Variants in PMS1 observed in about 807,000 individuals in gnomAD.
PMS1 encodes PMS1 protein homolog 1.
In PMS1, 79 loss-of-function variants were observed where a neutral mutation model predicts 93.1. The ratio of observed to expected loss-of-function variants is 0.85; its 90% confidence interval spans 0.71 to 1.02. The LOEUF (loss-of-function observed/expected upper bound fraction) is 1.02, where lower values mean the gene tolerates loss of function less well. PMS1 is among the 50% of genes least tolerant of loss of function. PMS1 has a pLI of 0.00. For synonymous variants in PMS1, 335 were observed against 363.4 expected (o/e 0.92, Z 0.89); for missense variants, 1,064 against 1,085.3 (o/e 0.98, Z 0.28).
In PMS1 at chr2:189,877,590, GTA is replaced by G. The variant is rs2057674470; in HGVS notation, c.*156_*157del. On this transcript the variant is annotated 3_prime_UTR_variant, in exon 13 of 13. Transcript: ENST00000441310. Reference sequence around the variant, plus strand: ...GTTTTTATATTGAAAAAAGTTCCACGTATTGTAGAAAACGTAAATAAACTAAT... The same window carrying G: ...GTTTTTATATTGAAAAAAGTTCCACGTTGTAGAAAACGTAAATAAACTAAT... 1.6e-6 allele frequency: 1 copy of G among 607,142 alleles called. No individual in the cohort carries two copies. Among genetic ancestry groups the G allele is most frequent in the African/African-American group, 1.8e-5 (1 of 54,098 alleles). 37.6% of individuals were successfully genotyped at this position (607,142 alleles called of 1,614,324 possible).
At chr2:189,826,002 T>G (rs1288114900) in intron 5 of PMS1, among the ~76,000 whole-genome samples, 2 of 152,164 alleles carry the variant, frequency 1.3e-5, no homozygotes, top group African/African-American at 2.4e-5. Context: ...GATTTGGCAG[T>G]GAGTGGTGGC....
intron 1 of PMS1, among the ~76,000 whole-genome samples, chr2:189,786,617 A>G (rs1210871242): frequency 1.3e-5 from 2 of 152,242 alleles, no homozygotes; most frequent in African/African-American, 2.4e-5. Context: ...GATCTTGAGC[A>G]AGTTACCATG....
At chr2:189,856,768 T>C (rs1232438368) in intron 9 of PMS1, among the ~76,000 whole-genome samples, 1 of 152,162 alleles carries the variant, frequency 6.6e-6, no homozygotes, top group African/African-American at 2.4e-5. Flanking sequence ...TCTTGCTGAC[T>C]GTTCCTTTGC....
chr2:189,875,795 A>G (rs2057509201), intron 12 of PMS1, among the ~76,000 whole-genome samples: 1 of 151,886 alleles, frequency 6.6e-6, no homozygotes, highest in South Asian at 2.1e-4. Context: ...TCTACCAAAA[A>G]TACAAAATTT....
chr2:189,822,448 G>A (rs1281133767), intron 5 of PMS1, among the ~76,000 whole-genome samples: 1 of 149,038 alleles, frequency 6.7e-6, no homozygotes, highest in African/African-American at 2.4e-5. Flanking sequence ...TTAAATAGAG[G>A]GTTTTTTTTT....
At chr2:189,815,263 A>C (rs2051194726) in intron 4 of PMS1, among the ~76,000 whole-genome samples, 1 of 152,198 alleles carries the variant, frequency 6.6e-6, no homozygotes, top group African/African-American at 2.4e-5. Flanking sequence ...GCCATGGAAC[A>C]GGTTGTGTAG....
intron 9 of PMS1, among the ~76,000 whole-genome samples, chr2:189,858,778 T>A (rs1463234087): frequency 2.0e-5 from 3 of 152,150 alleles, no homozygotes; most frequent in Admixed American, 2.0e-4. Flanking sequence ...AACTTTAAAA[T>A]TGTGAATATA....
intron 12 of PMS1, among the ~76,000 whole-genome samples, chr2:189,875,397 A>G (rs904565111): frequency 1.3e-5 from 2 of 151,904 alleles, no homozygotes; most frequent in Non-Finnish European, 2.9e-5. Flanking sequence ...GGCCCTCCGT[A>G]TATATGGATT....
chr2:189,867,851 G>T lies in PMS1; in HGVS notation c.2395G>T (p.Asp799Tyr). 1.3e-6 allele frequency: 2 copies of T among 1,589,058 alleles called. No homozygotes were observed. The highest frequency in any genetic ancestry group is 2.2e-5 in the South Asian group (2 of 90,552). Residue 799 changes from aspartate to tyrosine, a missense_variant, in exon 11 of 13, where the codon GAC (aspartate) becomes TAC (tyrosine). Physicochemically the swap from Asp to Tyr is radical, Grantham distance 160 (BLOSUM62 -3). Transcript: ENST00000441310. ...LDVLYKMTADDQRYSGSTYLS... is the reference protein window; with the variant it reads ...LDVLYKMTADYQRYSGSTYLS... ...CGTTTTATATAAAATGACAGCAGAT[G>T]ACCAAAGATACAGTGGATCAACTTA...
At chr2:189,870,160 T>C (rs1434852652) in intron 11 of PMS1, among the ~76,000 whole-genome samples, 1 of 152,150 alleles carries the variant, frequency 6.6e-6, no homozygotes, top group Non-Finnish European at 1.5e-5. Context: ...CATTTCTTTG[T>C]TTTTTTATTT....
intron 4 of PMS1, chr2:189,806,452 C>T (rs1199842007): frequency 6.4e-6 from 2 of 311,220 alleles, no homozygotes; most frequent in Non-Finnish European, 6.3e-6. Context: ...GGCTGGACTG[C>T]AGTGGCATCA....
chr2:189,875,202 GCTAGA>G (rs2057457601), intron 12 of PMS1, among the ~76,000 whole-genome samples: 1 of 150,114 alleles, frequency 6.7e-6, no homozygotes, highest in Non-Finnish European at 1.5e-5. Flanking sequence ...GGTAATAATT[GCTAGA>G]AGACTATCAG....
At chr2:189,790,560 GTTAC>G (rs1017503339) in intron 1 of PMS1, among the ~76,000 whole-genome samples, 4 of 152,186 alleles carry the variant, frequency 2.6e-5, no homozygotes, top group Non-Finnish European at 5.9e-5. Context: ...CCTGGGCCCA[GTTAC>G]TTACTCAGCT....
intron 5 of PMS1, among the ~76,000 whole-genome samples, chr2:189,832,535 G>A (rs938061752): frequency 1.3e-5 from 2 of 151,894 alleles, no homozygotes; most frequent in South Asian, 2.1e-4. Flanking sequence ...GCACAATCTC[G>A]GCTTATTGCA....
rs749477891 is a variant in PMS1 at position 189,844,059 on chromosome 2, G to A, written c.678G>A (p.Gln226=). 1 of 1,613,752 alleles carries A rather than the reference G, an allele frequency of 6.2e-7. No homozygotes were observed. Among genetic ancestry groups the A allele is most frequent in the Non-Finnish European group, 8.5e-7 (1 of 1,179,920 alleles). ...TTATGAACAATATGGAATCCTTTCAGTACCACTCTGAAGAATCTCAGGTAT... is the reference window on the plus strand; with the variant it reads ...TTATGAACAATATGGAATCCTTTCAATACCACTCTGAAGAATCTCAGGTAT... ...TAVMNNMESF[Q]YHSEESQIYL... The change falls in exon 6 of 13, where the codon CAG becomes CAA. Residue 226 remains glutamine, a synonymous_variant. Transcript: ENST00000441310.
chr2:189,804,192 A>T (rs1425008842), intron 3 of PMS1, among the ~76,000 whole-genome samples: 1 of 152,184 alleles, frequency 6.6e-6, no homozygotes, highest in African/African-American at 2.4e-5. Context: ...TTGCTCAGTG[A>T]CACCAACTTT....
chr2:189,847,387 C>T (rs2054342236), intron 6 of PMS1, among the ~76,000 whole-genome samples: 1 of 151,850 alleles, frequency 6.6e-6, no homozygotes, highest in African/African-American at 2.4e-5. Flanking sequence ...TAATTTTCTC[C>T]TATTGTTTTT....
chr2:189,789,090 T>A (rs914945111), intron 1 of PMS1, among the ~76,000 whole-genome samples: 1 of 152,194 alleles, frequency 6.6e-6, no homozygotes, highest in Non-Finnish European at 1.5e-5. Context: ...GAGAACTGGG[T>A]ACCCCAAAAC....
intron 5 of PMS1, among the ~76,000 whole-genome samples, chr2:189,842,101 A>G (rs2053864567): frequency 6.6e-6 from 1 of 151,314 alleles, no homozygotes; most frequent in African/African-American, 2.4e-5. Flanking sequence ...TATCCTCCCC[A>G]TAGTCACTAT....
Sources: gnomAD v4.1 joint callset for allele counts (sites outside exome capture counted in the v4.1 genomes callset) on GRCh38, gnomAD v4.1.1 for gene constraint, MANE v1.5 for transcripts, NCBI Gene and HGNC (gene_info 2026-07-23, HGNC 2026-07-21) for gene names.